The following ELSPBP1 variants were observed in gnomAD, a reference collection of about 807,000 sequenced individuals.
The protein encoded by ELSPBP1 is epididymal sperm binding protein 1.
A neutral mutation model predicts 33.3 loss-of-function variants in ELSPBP1; 38 were observed. The ratio of observed to expected loss-of-function variants is 1.14; its 90% CI spans 0.88 to 1.50. The LOEUF (loss-of-function observed/expected upper bound fraction) is 1.50, where lower values mean the gene tolerates loss of function less well. ELSPBP1 is among the 40% of genes most tolerant of loss of function. The probability of loss-of-function intolerance (pLI) is 0.00; values close to 1 mark genes in which losing one functional copy is unlikely to be tolerated. For missense variants in ELSPBP1, 267 were observed against 263.5 expected (o/e 1.01, Z -0.09); for synonymous variants, 85 against 94.1 (o/e 0.90, Z 0.56).
chr19:48,021,651 C>G (rs1600113018), intron 5 of ELSPBP1, among the ~76,000 whole-genome samples: 1 of 151,762 alleles, frequency 6.6e-6, no homozygotes, highest in Non-Finnish European at 1.5e-5. Flanking sequence ...GGTTTCACCA[C>G]GTTGGCCAGG....
chr19:47,998,990 C>A (rs147536681), intron 1 of ELSPBP1, among the ~76,000 whole-genome samples: 1 of 152,150 alleles, frequency 6.6e-6, no homozygotes, highest in Non-Finnish European at 1.5e-5. Context: ...GCCCTCCCTT[C>A]TGTGCGTCAG....
intron 1 of ELSPBP1, among the ~76,000 whole-genome samples, chr19:47,996,402 G>A (rs1966912006): frequency 6.6e-6 from 1 of 152,070 alleles, no homozygotes; most frequent in African/African-American, 2.4e-5. Flanking sequence ...GATGATAAGA[G>A]GATGGATTCA....
chr19:48,023,532 G>GAAGGAAGCAAGGAAGGAAGT (rs1555736363), intron 6 of ELSPBP1, among the ~76,000 whole-genome samples: 1 of 108,048 alleles, frequency 9.3e-6, no homozygotes, highest in Non-Finnish European at 2.0e-5. Flanking sequence ...AGGAAGGGAG[G>GAAGGAAGCAAGGAAGGAAGT]AAGGAAAGAA....
At chr19:48,016,952 A>G (rs537150449) in intron 4 of ELSPBP1, among the ~76,000 whole-genome samples, 31 of 152,288 alleles carry the variant, frequency 2.0e-4, no homozygotes, top group African/African-American at 7.2e-4. Context: ...ACATAATCTT[A>G]GGTGAATAAT....
At chr19:47,997,518 T>C (rs189716118) in intron 1 of ELSPBP1, among the ~76,000 whole-genome samples, 3 of 152,338 alleles carry the variant, frequency 2.0e-5, no homozygotes, top group African/African-American at 7.2e-5. Context: ...TTACTGTTTC[T>C]AAAATGTTTT....
intron 1 of ELSPBP1, among the ~76,000 whole-genome samples, chr19:48,006,618 T>C (rs1242491500): frequency 2.5e-4 from 17 of 67,518 alleles, no homozygotes; most frequent in South Asian, 6.0e-4. Flanking sequence ...TGAGACCCTG[T>C]CTCAAAAAAA....
chr19:47,998,461 G>A (rs1160451505), intron 1 of ELSPBP1, among the ~76,000 whole-genome samples: 1 of 147,996 alleles, frequency 6.8e-6, no homozygotes, highest in Non-Finnish European at 1.5e-5. Flanking sequence ...CAGGGATTGG[G>A]CTAATGAGCC....
intron 3 of ELSPBP1, 132 bp downstream of exon 3, chr19:48,014,440 C>G (rs1341950382): frequency 2.1e-6 from 2 of 959,772 alleles, no homozygotes; most frequent in Middle Eastern, 3.8e-4. Flanking sequence ...GTAGAAAAGG[C>G]TCTGGGTTTT....
Position 48,006,530 on chromosome 19 carries a change from C to T in ELSPBP1, c.-17-2121C>T, listed in dbSNP as rs572058948. ...TTGGGAGGCTGAGGCAGGAGAATCG[C>T]TTGAGCCTGGCAGATGGAGGTTGCC... On this transcript the variant is annotated intron_variant, in intron 1 of 6. Coordinates refer to ENST00000339841, the MANE Select transcript of ELSPBP1 (RefSeq NM_022142.5). Among the ~76,000 whole-genome samples, 70 of 143,660 alleles carry T rather than the reference C, an allele frequency of 4.9e-4. 3 individuals carry two copies. The highest frequency in any genetic ancestry group is 3.5e-3 in the Middle Eastern group (1 of 288). The allele number at this position is 143,660 out of a possible 152,430, so 94.2% of individuals were successfully genotyped here. A position where few individuals can be genotyped will look rare whatever the true frequency, so the allele number is the denominator to read the frequency against.
chr19:48,022,315 G>A lies in ELSPBP1; in HGVS notation c.660G>A (p.Trp220Ter), dbSNP rs1314108258. The change falls in exon 6 of 7, where the codon TGG (tryptophan) becomes TGA (stop). Residue 220 changes from tryptophan to a stop codon, truncating the protein, a stop_gained. Coordinates refer to ENST00000339841, the MANE Select transcript of ELSPBP1 (RefSeq NM_022142.5). LOFTEE classifies it high-confidence loss of function. ...ACAACTACGACCAAGACCACACCTG[G>A]GTGTATTGCTGATGCTGAGGTGAGA... ...TSYNYDQDHT[W>*]VYC 2 of 1,610,728 alleles carry A rather than the reference G, an allele frequency of 1.2e-6. No individual in the cohort carries two copies. Among genetic ancestry groups the A allele is most frequent in the Admixed American group, 3.4e-5 (2 of 59,576 alleles).
At chr19:48,005,952 T>C (rs1056350788) in intron 1 of ELSPBP1, among the ~76,000 whole-genome samples, 16 of 152,108 alleles carry the variant, frequency 1.1e-4, no homozygotes, top group African/African-American at 3.9e-4. Flanking sequence ...ATGAGTTTTA[T>C]CTGTTTTTTG....
At chr19:48,009,644 T>G (rs533866432) in intron 2 of ELSPBP1, among the ~76,000 whole-genome samples, 27 of 152,292 alleles carry the variant, frequency 1.8e-4, no homozygotes, top group Non-Finnish European at 3.4e-4. Context: ...ATTCCAGAGA[T>G]TCCTAACCTG....
intron 1 of ELSPBP1, among the ~76,000 whole-genome samples, chr19:48,007,087 C>T (rs536936100): frequency 3.9e-4 from 59 of 152,180 alleles, no homozygotes; most frequent in Non-Finnish European, 5.3e-4. Context: ...GATGCCTTCC[C>T]GAGCTATCCT....
In ELSPBP1 at chr19:48,019,878, G is replaced by A. The variant is rs1967181508; in HGVS notation, c.514+1G>A. On this transcript the variant is annotated splice_donor_variant, in intron 5 of 6. Transcript: ENST00000339841. LOFTEE classifies it high-confidence loss of function. ...AAGTGGAGTTTCTGTGCCGACACCAGTAATCTGGGGATGGGGGTTGGGTGG... is the reference window on the plus strand; with the variant it reads ...AAGTGGAGTTTCTGTGCCGACACCAATAATCTGGGGATGGGGGTTGGGTGG... 1 of 1,348,452 alleles carries A rather than the reference G, an allele frequency of 7.4e-7. No individual in the cohort carries two copies. Among genetic ancestry groups the A allele is most frequent in the Admixed American group, 1.8e-5 (1 of 55,882 alleles). The allele number at this position is 1,348,452 out of a possible 1,614,324, so 83.5% of individuals were successfully genotyped here.
intron 1 of ELSPBP1, among the ~76,000 whole-genome samples, chr19:48,007,988 A>C (rs1967038987): frequency 2.0e-5 from 3 of 152,208 alleles, no homozygotes; most frequent in African/African-American, 7.2e-5. Context: ...TAAGGACAGT[A>C]CATGACAGTA....
chr19:48,010,821 A>G (rs1967068470), intron 2 of ELSPBP1, among the ~76,000 whole-genome samples: 1 of 152,184 alleles, frequency 6.6e-6, no homozygotes, highest in Non-Finnish European at 1.5e-5. Context: ...TCAGTTAAGA[A>G]GATTAGGCCA....
chr19:47,996,140 G>C (rs1966910025), intron 1 of ELSPBP1, among the ~76,000 whole-genome samples: 1 of 152,314 alleles, frequency 6.6e-6, no homozygotes, highest in East Asian at 1.9e-4. Flanking sequence ...ATACTCATTG[G>C]ATGGGTGGTG....
At chr19:48,009,008 C>A (rs1001368043) in intron 2 of ELSPBP1, among the ~76,000 whole-genome samples, 1 of 151,738 alleles carries the variant, frequency 6.6e-6, no homozygotes, top group African/African-American at 2.4e-5. Context: ...TGGTGGTGAG[C>A]GCCTGTAATC....
At position 47,996,903 on chromosome 19, in the gene ELSPBP1, C is replaced by T. The variant is rs144254868; in HGVS notation, c.-18+2092C>T. On this transcript the variant is annotated intron_variant, in intron 1 of 6. Transcript: ENST00000339841. ...GAATGAATGTTATCATCATCATCAT[C>T]GTCATCATTAATGGCCAACATTTAT... Among the ~76,000 whole-genome samples the T allele has an allele frequency of 6.0e-3, 909 of 152,226 alleles. 10 individuals carry two copies. Among genetic ancestry groups the T allele is most frequent in the Admixed American group, 4.8e-3 (73 of 15,290 alleles).
Sources: gnomAD v4.1 joint callset for allele counts (sites outside exome capture counted in the v4.1 genomes callset) on GRCh38, gnomAD v4.1.1 for gene constraint, MANE v1.5 for transcripts, NCBI Gene and HGNC (gene_info 2026-07-23, HGNC 2026-07-21) for gene names.